The following PDE1C variants were observed in gnomAD, a reference collection of about 807,000 sequenced individuals.
The protein encoded by PDE1C is dual specificity calcium/calmodulin-dependent 3',5'-cyclic nucleotide phosphodiesterase 1C.
In PDE1C, 62 loss-of-function variants were observed where a neutral mutation model predicts 93.1. The observed-to-expected ratio is 0.67, with a 90% CI of 0.54 to 0.82. PDE1C has a LOEUF of 0.82. PDE1C is among the 40% of genes least tolerant of loss of function. PDE1C has a pLI of 0.00. For missense variants in PDE1C, 742 were observed against 884.6 expected (o/e 0.84, Z 2.04); for synonymous variants, 325 against 310.1 (o/e 1.05, Z -0.50).
the PDE1C span, chr7:31,707,180 G>T: frequency 6.2e-7 from 1 of 1,604,892 alleles, no homozygotes; most frequent in South Asian, 1.1e-5. Flanking sequence ...GTACTTAATT[G>T]CAGGTCTGTG....
intron 2 of PDE1C, among the ~76,000 whole-genome samples, chr7:31,907,618 A>C (rs1377364509): frequency 6.6e-6 from 1 of 152,202 alleles, no homozygotes; most frequent in Non-Finnish European, 1.5e-5. Context: ...TGTTGAAAGC[A>C]AATGTATTGC....
chr7:31,860,581 G>A (rs1309210179), intron 7 of PDE1C, among the ~76,000 whole-genome samples: 1 of 152,004 alleles, frequency 6.6e-6, no homozygotes, highest in East Asian at 1.9e-4. Flanking sequence ...GACTGAATTT[G>A]TGTCATTTTC....
the PDE1C span, chr7:31,658,421 G>A: frequency 5.4e-6 from 8 of 1,476,076 alleles, no homozygotes; most frequent in African/African-American, 1.0e-4. Context: ...AAAATAATCA[G>A]TTTCCAGAGT....
the PDE1C span, among the ~76,000 whole-genome samples, chr7:31,635,473 G>C: frequency 6.6e-6 from 1 of 152,204 alleles, no homozygotes; most frequent in Admixed American, 6.5e-5. Flanking sequence ...TTCAAGTGAG[G>C]TTCCCAATGT....
In PDE1C at chr7:32,135,478, T is replaced by C. The variant is rs938045731; in HGVS notation, c.308+34307A>G. Among the ~76,000 whole-genome samples the C allele has an allele frequency of 2.6e-5, 4 of 152,278 alleles. No individual in the cohort carries two copies. The South Asian group carries it at 8.3e-4, about 32-fold the overall frequency. On this transcript the variant is annotated intron_variant, in intron 3 of 18. Transcript: ENST00000396193. Reference sequence around the variant, plus strand: ...ATGGCAAAGGACCTGAATAGGCATTTTTCCAAAGAAGATATACAAATGACC... The same window carrying C: ...ATGGCAAAGGACCTGAATAGGCATTCTTCCAAAGAAGATATACAAATGACC...
At chr7:31,851,259 TC>T (rs2128803012) in intron 7 of PDE1C, among the ~76,000 whole-genome samples, 1 of 152,260 alleles carries the variant, frequency 6.6e-6, no homozygotes, top group African/African-American at 2.4e-5. Context: ...AAAGGACTTC[TC>T]CCCATCCACA....
chr7:31,851,555 C>A (rs2128803754), intron 7 of PDE1C, among the ~76,000 whole-genome samples: 1 of 152,336 alleles, frequency 6.6e-6, no homozygotes. Flanking sequence ...CTTCTGTAAA[C>A]CATCCTGCCC....
intron 2 of PDE1C, among the ~76,000 whole-genome samples, chr7:31,919,164 T>C (rs1802302717): frequency 6.6e-6 from 1 of 152,194 alleles, no homozygotes. Context: ...AGTTGAGCCA[T>C]GGTGCCAGGG....
chr7:32,255,590 C>T (rs914326099), intron 1 of PDE1C, among the ~76,000 whole-genome samples: 10 of 152,046 alleles, frequency 6.6e-5, no homozygotes, highest in African/African-American at 2.4e-4. Flanking sequence ...AGACATATTA[C>T]GAAAGGTCAT....
At chr7:32,283,716 T>C (rs1811823643) in intron 1 of PDE1C, among the ~76,000 whole-genome samples, 1 of 152,172 alleles carries the variant, frequency 6.6e-6, no homozygotes, top group African/African-American at 2.4e-5. Flanking sequence ...AATGATCCAG[T>C]GACTTCAACG....
intron 1 of PDE1C, among the ~76,000 whole-genome samples, chr7:32,326,866 G>A (rs1783414121): frequency 6.6e-6 from 1 of 152,112 alleles, no homozygotes; most frequent in African/African-American, 2.4e-5. Flanking sequence ...CAATCTAGAG[G>A]GAAAATGAAT....
chr7:31,777,804 A>C (rs1783112966), intron 16 of PDE1C, among the ~76,000 whole-genome samples: 1 of 152,094 alleles, frequency 6.6e-6, no homozygotes. Context: ...AAAAACTGTT[A>C]ATTTGTATGA....
intron 2 of PDE1C, among the ~76,000 whole-genome samples, chr7:31,936,023 T>A (rs1339069354): frequency 6.6e-6 from 1 of 152,200 alleles, no homozygotes; most frequent in Non-Finnish European, 1.5e-5. Flanking sequence ...TGTAAGATAT[T>A]CACAGCAACC....
At chr7:31,738,451 T>C in the PDE1C span, among the ~76,000 whole-genome samples, 2 of 152,120 alleles carry the variant, frequency 1.3e-5, no homozygotes, top group African/African-American at 4.8e-5. Context: ...TTCACTACCA[T>C]AAGAACAGTA....
At position 32,232,499 on chromosome 7, in the gene PDE1C, C is replaced by T. The variant is rs575491085; in HGVS notation, c.86-22960G>A. ...ATCTCTCCGTCCTCCTGCCCAGTGG[C>T]CTGAAATTCAGGCACAGTCTTGGAA... On this transcript the variant is annotated intron_variant, in intron 1 of 18. Coordinates refer to the PDE1C transcript ENST00000396193. 3.3e-5 allele frequency among the ~76,000 whole-genome samples: 5 copies of T among 152,268 alleles called. No individual in the cohort carries two copies. The South Asian group carries it at 1.0e-3, about 32-fold the overall frequency.
chr7:31,891,407 C>G (rs1293379825), intron 2 of PDE1C, among the ~76,000 whole-genome samples: 2 of 152,116 alleles, frequency 1.3e-5, no homozygotes, highest in Non-Finnish European at 2.9e-5. Flanking sequence ...TAAACCTTTA[C>G]TTTCTGCTCC....
intron 2 of PDE1C, among the ~76,000 whole-genome samples, chr7:32,016,922 A>G (rs1249003546): frequency 6.6e-6 from 1 of 152,200 alleles, no homozygotes; most frequent in Non-Finnish European, 1.5e-5. Context: ...TGATGTCTAA[A>G]AACAGAGATT....
chr7:31,983,758 A>T (rs1307699795), intron 2 of PDE1C, among the ~76,000 whole-genome samples: 1 of 152,148 alleles, frequency 6.6e-6, no homozygotes, highest in Admixed American at 6.5e-5. Context: ...TAACTTGCAA[A>T]TTTTAAAACC....
chr7:31,642,364 G>T, the PDE1C span: 1 of 787,122 alleles, frequency 1.3e-6, no homozygotes, highest in Non-Finnish European at 2.0e-6. Flanking sequence ...CTCAGAAAGA[G>T]GGGTGTTTTA....
Sources: allele counts gnomAD v4.1 joint callset (sites outside exome capture counted in the v4.1 genomes callset), GRCh38; gene constraint gnomAD v4.1.1; transcripts MANE v1.5; gene names NCBI Gene and HGNC (gene_info 2026-07-23, HGNC 2026-07-21).